FBLN1: variants seen among roughly 807,000 people sequenced by gnomAD.
FBLN1 encodes fibulin 1.
Under a neutral mutation model 89.7 loss-of-function variants are expected in FBLN1, and 34 were observed. The ratio of observed to expected loss-of-function variants is 0.38; its 90% CI spans 0.29 to 0.50. The LOEUF (loss-of-function observed/expected upper bound fraction) is 0.50. Ranked by LOEUF, FBLN1 falls within the 20% of genes least tolerant of loss-of-function variation. The pLI, the probability that FBLN1 is intolerant of heterozygous loss-of-function variation, is 0.92. For synonymous variants in FBLN1, 393 were observed against 391.3 expected (o/e 1.00, Z -0.05); for missense variants, 777 against 988.1 (o/e 0.79, Z 2.86).
intron 14 of FBLN1, among the ~76,000 whole-genome samples, chr22:45,569,205 C>T (rs994535750): frequency 3.3e-5 from 5 of 152,144 alleles, no homozygotes; most frequent in Non-Finnish European, 5.9e-5. Context: ...TGTGTCCCCC[C>T]CCAAATTCAT....
chr22:45,543,898 G>A (rs1330163634), intron 11 of FBLN1, among the ~76,000 whole-genome samples: 7 of 152,188 alleles, frequency 4.6e-5, no homozygotes, highest in African/African-American at 1.7e-4. Flanking sequence ...AAACAGCAGC[G>A]AAAACTGGAC....
At chr22:45,512,607 G>A (rs570622596) in intron 1 of FBLN1, among the ~76,000 whole-genome samples, 2 of 152,228 alleles carry the variant, frequency 1.3e-5, no homozygotes, top group East Asian at 1.9e-4. Context: ...ACAGGTGACC[G>A]GATCCCCAGG....
intron 16 of FBLN1, among the ~76,000 whole-genome samples, chr22:45,587,514 A>T (rs1352951879): frequency 2.6e-5 from 4 of 152,110 alleles, no homozygotes; most frequent in African/African-American, 9.7e-5. Flanking sequence ...AATGTGTACG[A>T]GGTAGGGAAT....
At chr22:45,522,997 A>T (rs2018279) in intron 2 of FBLN1, 254,967 of 545,672 alleles carry the variant, frequency 0.47, 64,769 homozygotes, top group East Asian at 0.74. Flanking sequence ...AGAAAGTAAT[A>T]AGTCCGTCTG....
At chr22:45,543,640 A>ATGT in intron 11 of FBLN1, 114 bp downstream of exon 11, 1 of 1,355,604 alleles carries the variant, frequency 7.4e-7, no homozygotes, top group Non-Finnish European at 1.0e-6. Flanking sequence ...GTTAAATGAC[A>ATGT]TGTTAGCAGG....
intron 14 of FBLN1, among the ~76,000 whole-genome samples, chr22:45,552,851 C>T (rs1411903879): frequency 6.7e-6 from 1 of 149,642 alleles, no homozygotes; most frequent in East Asian, 2.0e-4. Flanking sequence ...CCCTTCTGCC[C>T]GCAGGAGGAA....
chr22:45,533,296 C>T (rs1044447929), intron 6 of FBLN1, 132 bp downstream of exon 6: 11 of 836,366 alleles, frequency 1.3e-5, no homozygotes, highest in South Asian at 4.2e-5. Context: ...GCCCAGGACG[C>T]GCTTTCTCGT....
At chr22:45,504,562 T>A (rs1408708314) in intron 1 of FBLN1, among the ~76,000 whole-genome samples, 6 of 152,098 alleles carry the variant, frequency 3.9e-5, no homozygotes, top group African/African-American at 1.4e-4. Context: ...GAGACTCCTG[T>A]TAGAAAAGGA....
chr22:45,584,362 C>T (rs1361657203), intron 16 of FBLN1, among the ~76,000 whole-genome samples: 1 of 152,138 alleles, frequency 6.6e-6, no homozygotes, highest in Non-Finnish European at 1.5e-5. Flanking sequence ...TTTGAAATCG[C>T]ATTTTAAATT....
At chr22:45,513,526 T>G (rs1429473398) in intron 1 of FBLN1, among the ~76,000 whole-genome samples, 1 of 152,050 alleles carries the variant, frequency 6.6e-6, no homozygotes, top group East Asian at 1.9e-4. Context: ...TTTTAACCAT[T>G]TCTAAGTGTA....
At chr22:45,535,418 G>A (rs2088471733) in intron 8 of FBLN1, 81 bp downstream of exon 8, 4 of 1,558,696 alleles carry the variant, frequency 2.6e-6, no homozygotes, top group Non-Finnish European at 3.5e-6. Flanking sequence ...TCTAGAATCT[G>A]CGGGGCCGCA....
At position 45,583,622 on chromosome 22, in the gene FBLN1, C is replaced by T. The variant is rs2089060184; in HGVS notation, c.1972+6514C>T. Among the ~76,000 whole-genome samples the T allele has an allele frequency of 6.6e-6, 1 of 152,162 alleles. No homozygotes were observed. Among genetic ancestry groups the T allele is most frequent in the Non-Finnish European group, 1.5e-5 (1 of 68,024 alleles). ...CTTGAGAGTGGCTATACCTTCTAGG[C>T]CTGATCAGGAAGGAAGCTGGGTTTT... On this transcript the variant is annotated intron_variant, in intron 16 of 16. Coordinates refer to ENST00000327858, the MANE Select transcript of FBLN1 (RefSeq NM_006486.3). This position sits in a 1 kb window ranked among gnomAD's most constrained non-coding sequence, Gnocchi z 4.5.
intron 1 of FBLN1, among the ~76,000 whole-genome samples, chr22:45,513,281 A>G (rs1446873242): frequency 6.7e-6 from 1 of 150,146 alleles, no homozygotes; most frequent in Non-Finnish European, 1.5e-5. Flanking sequence ...TACGCATCAC[A>G]TGGGATTTGC....
rs1453592045 is a variant in FBLN1, at chr22:45,574,825, G to A, written c.1840+172G>A. On this transcript the variant is annotated intron_variant, in intron 15 of 16. Coordinates refer to ENST00000327858, the MANE Select transcript of FBLN1 (RefSeq NM_006486.3). This position sits in a 1 kb window ranked among gnomAD's most constrained non-coding sequence, Gnocchi z 4.1. ...GAGACGGAGTCTCGCTCTGTCGCCC[G>A]GGCTGGAGTGCAGTGGTGCCATCTC... Among the ~76,000 whole-genome samples, 6 of 136,406 alleles carry A rather than the reference G, an allele frequency of 4.4e-5. No homozygotes were observed. The highest frequency in any genetic ancestry group is 1.6e-4 in the Admixed American group (2 of 12,438). The allele number at this position is 136,406 out of a possible 152,430, so 89.5% of individuals were successfully genotyped here.
intron 1 of FBLN1, among the ~76,000 whole-genome samples, chr22:45,504,831 C>T (rs1430186730): frequency 1.3e-5 from 2 of 152,310 alleles, no homozygotes; most frequent in South Asian, 2.1e-4. Context: ...TTGCACACTT[C>T]GATAAAAGCA....
chr22:45,533,358 C>T (rs1182882643), intron 6 of FBLN1, among the ~76,000 whole-genome samples, 194 bp downstream of exon 6: 1 of 152,198 alleles, frequency 6.6e-6, no homozygotes, highest in Admixed American at 6.5e-5. Flanking sequence ...CCCTCCAAGA[C>T]AATATAAGCA....
In FBLN1 at chr22:45,542,227, T is replaced by G. The variant is rs1286159900; in HGVS notation, c.1139T>G (p.Phe380Cys). ...GHRCVNSPGSFRCECKTGYYF... is the reference protein window; with the variant it reads ...GHRCVNSPGSCRCECKTGYYF... ...CGCTGCGTGAACTCTCCCGGCAGTTTCCGCTGCGAATGCAAGACGGGTTAC... is the reference window on the plus strand; with the variant it reads ...CGCTGCGTGAACTCTCCCGGCAGTTGCCGCTGCGAATGCAAGACGGGTTAC... The change falls in exon 10 of 17, where the codon TTC (phenylalanine) becomes TGC (cysteine). Residue 380 changes from phenylalanine (F) to cysteine (C), a missense_variant. Physicochemically the swap from Phe to Cys is radical, Grantham distance 205 (BLOSUM62 -2). Coordinates refer to ENST00000327858, the MANE Select transcript of FBLN1 (RefSeq NM_006486.3). 6.2e-7 allele frequency: 1 copy of G among 1,614,184 alleles called. No individual in the cohort carries two copies. The highest frequency in any genetic ancestry group is 8.5e-7 in the Non-Finnish European group (1 of 1,180,038).
intron 14 of FBLN1, among the ~76,000 whole-genome samples, chr22:45,570,914 C>T (rs1382660653): frequency 1.3e-5 from 2 of 151,948 alleles, no homozygotes; most frequent in Non-Finnish European, 2.9e-5. Flanking sequence ...ATCACAAGGT[C>T]AGGATTTCAA....
rs757837302 is a variant in FBLN1 at position 45,527,878 on chromosome 22, C to T, written c.353C>T (p.Ala118Val). 3.7e-5 allele frequency: 60 copies of T among 1,613,914 alleles called. No homozygotes were observed. The Admixed American group carries it at 8.0e-4, about 22-fold the overall frequency. The change falls in exon 4 of 17, where the codon GCG becomes GTG. Residue 118 changes from alanine (A) to valine (V), a missense_variant. Coordinates refer to ENST00000327858, the MANE Select transcript of FBLN1 (RefSeq NM_006486.3). Reference protein sequence around the residue: ...RCCHCCLLGRAAQAQGQSCEY... With the variant: ...RCCHCCLLGRVAQAQGQSCEY... ...TGCCATTGCTGTCTGCTGGGGAGGG[C>T]GGCCCAGGCCCAGGGCCAGAGCTGC... is the stretch of plus-strand genomic sequence containing the variant.
Sources: allele counts gnomAD v4.1 joint callset (sites outside exome capture counted in the v4.1 genomes callset), GRCh38; gene constraint gnomAD v4.1.1; non-coding constraint Gnocchi (gnomAD v3.1); transcripts MANE v1.5; gene names NCBI Gene and HGNC (gene_info 2026-07-23, HGNC 2026-07-21).